The following GRIA3 variants were observed in gnomAD, a reference collection of about 807,000 sequenced individuals.
The protein encoded by GRIA3 is glutamate ionotropic receptor AMPA type subunit 3, also known as glutamate receptor 3.
In GRIA3, 3 loss-of-function variants were observed where a neutral mutation model predicts 63.0. The ratio of observed to expected loss-of-function variants is 0.05; its 90% confidence interval spans 0.02 to 0.12. The LOEUF (loss-of-function observed/expected upper bound fraction) is 0.12. Among genes scored for constraint, GRIA3 ranks in the 10% least tolerant of loss-of-function variants. The pLI is 1.00. For synonymous variants in GRIA3, 274 were observed against 257.9 expected (o/e 1.06, Z -0.60); for missense variants, 347 against 700.9 (o/e 0.50, Z 5.70).
chrX:123,257,845 G>A (rs984819335), intron 3 of GRIA3, among the ~76,000 whole-genome samples: 13 of 111,212 alleles, frequency 1.2e-4, no homozygotes, highest in Non-Finnish European at 2.1e-4. Flanking sequence ...CACAACCAGG[G>A]TAAAGTTTTC....
At chrX:123,351,457 G>A (rs958874513) in intron 4 of GRIA3, among the ~76,000 whole-genome samples, 7 of 111,854 alleles carry the variant, frequency 6.3e-5, no homozygotes, top group Middle Eastern at 4.7e-3. Flanking sequence ...CTTAAGTATT[G>A]GGACTTTGAG....
chrX:123,403,325 G>C, intron 8 of GRIA3, 87 bp from the exon 9 acceptor site: 1 of 695,638 alleles, frequency 1.4e-6, no homozygotes, highest in Non-Finnish European at 2.4e-6. Flanking sequence ...GCTCAAGAAA[G>C]TTTTGTTCCA....
At chrX:123,480,453 G>T (rs1282322457) in intron 14 of GRIA3, among the ~76,000 whole-genome samples, 2 of 111,578 alleles carry the variant, frequency 1.8e-5, no homozygotes, top group Non-Finnish European at 3.8e-5. Flanking sequence ...GTGTTATAAG[G>T]GGGTTTTACT....
chrX:123,331,367 T>C (rs955026394), intron 4 of GRIA3, among the ~76,000 whole-genome samples: 1 of 111,718 alleles, frequency 9.0e-6, no homozygotes, highest in Non-Finnish European at 1.9e-5. Flanking sequence ...GTAAGTCAGT[T>C]TCCTAAATAA....
chrX:123,404,012 T>C (rs940681977), intron 9 of GRIA3, among the ~76,000 whole-genome samples: 2 of 112,123 alleles, frequency 1.8e-5, no homozygotes, highest in African/African-American at 6.5e-5. Flanking sequence ...CACAGTTCAC[T>C]ACACGAAGAA....
intron 3 of GRIA3, among the ~76,000 whole-genome samples, chrX:123,264,486 T>C (rs1007802136): frequency 3.6e-5 from 4 of 110,820 alleles, no homozygotes; most frequent in Non-Finnish European, 5.7e-5. Context: ...AGTGAAAAGT[T>C]ACAAAAAGCA....
intron 3 of GRIA3, among the ~76,000 whole-genome samples, chrX:123,306,692 C>T (rs775019470): frequency 1.8e-5 from 2 of 111,724 alleles, no homozygotes; most frequent in East Asian, 5.7e-4. Flanking sequence ...GAAATGATCA[C>T]AACAGCAGTA....
chrX:123,312,531 G>T (rs2044801667), intron 3 of GRIA3, among the ~76,000 whole-genome samples: 2 of 112,188 alleles, frequency 1.8e-5, no homozygotes, highest in Admixed American at 1.9e-4. Context: ...GGTGAACCAA[G>T]CCAAAGGCTT....
intron 5 of GRIA3, among the ~76,000 whole-genome samples, chrX:123,376,933 CT>C (rs11310583): frequency 0.05 from 3,716 of 73,667 alleles, 205 homozygotes; most frequent in African/African-American, 0.19. Context: ...TTCATTCACT[CT>C]TTTTTTTTTT....
At chrX:123,369,191 A>G (rs1413718902) in intron 5 of GRIA3, among the ~76,000 whole-genome samples, 1 of 111,836 alleles carries the variant, frequency 8.9e-6, no homozygotes, top group Admixed American at 9.5e-5. Context: ...TTCTTCCTCA[A>G]TTTTCCAAAC....
intron 4 of GRIA3, among the ~76,000 whole-genome samples, chrX:123,338,842 G>T (rs1024462549): frequency 2.7e-5 from 3 of 112,360 alleles, no homozygotes; most frequent in African/African-American, 9.7e-5. Context: ...GAGCCACCAT[G>T]CCTGGCCCCA....
chrX:123,301,989 T>C (rs1484764318), intron 3 of GRIA3, among the ~76,000 whole-genome samples: 10 of 112,208 alleles, frequency 8.9e-5, no homozygotes, highest in African/African-American at 1.6e-4. Flanking sequence ...TTTATAATCT[T>C]CTGCCTGGAT....
At chrX:123,273,445 A>C (rs776783701) in intron 3 of GRIA3, among the ~76,000 whole-genome samples, 2 of 112,402 alleles carry the variant, frequency 1.8e-5, no homozygotes, top group South Asian at 7.5e-4. Flanking sequence ...TTAAAAATGA[A>C]GAAATAAAAA....
intron 12 of GRIA3, among the ~76,000 whole-genome samples, chrX:123,442,409 G>A (rs2045679183): frequency 8.9e-6 from 1 of 112,117 alleles, no homozygotes; most frequent in South Asian, 3.8e-4. Context: ...GTTCCGTGGG[G>A]CCCCAAGGGA....
intron 4 of GRIA3, among the ~76,000 whole-genome samples, chrX:123,344,185 G>A (rs1028412022): frequency 3.6e-5 from 4 of 112,137 alleles, no homozygotes; most frequent in African/African-American, 1.3e-4. Context: ...CACTTGCAGT[G>A]TTGTATGTCA....
chrX:123,297,611 T>A (rs1409292225), intron 3 of GRIA3, among the ~76,000 whole-genome samples: 1 of 111,991 alleles, frequency 8.9e-6, no homozygotes, highest in African/African-American at 3.2e-5. Context: ...TCACATTAAT[T>A]CGATGAGTTA....
chrX:123,439,897 T>A (rs1316838750), intron 12 of GRIA3, among the ~76,000 whole-genome samples: 3 of 111,240 alleles, frequency 2.7e-5, no homozygotes, highest in African/African-American at 9.8e-5. Context: ...ACCCAGGTAT[T>A]AAGTCCAGTA....
At chrX:123,308,734 A>C (rs1222352216) in intron 3 of GRIA3, among the ~76,000 whole-genome samples, 2 of 111,593 alleles carry the variant, frequency 1.8e-5, no homozygotes, top group Non-Finnish European at 3.8e-5. Flanking sequence ...CAGCCACTCC[A>C]TTCATCGCAC....
At chrX:123,424,639 A>G (rs1315317470) in intron 11 of GRIA3, among the ~76,000 whole-genome samples, 1 of 111,756 alleles carries the variant, frequency 8.9e-6, no homozygotes, top group African/African-American at 3.2e-5. Flanking sequence ...GACATTAACC[A>G]CAAAATTGCC....
Sources: allele counts gnomAD v4.1 joint callset (sites outside exome capture counted in the v4.1 genomes callset), GRCh38; gene constraint gnomAD v4.1.1; transcripts MANE v1.5; gene names NCBI Gene and HGNC (gene_info 2026-07-23, HGNC 2026-07-21).